Variants in FNDC3A observed in about 807,000 individuals in gnomAD.
The protein encoded by FNDC3A is fibronectin type III domain containing 3A.
Under a neutral mutation model 148.9 loss-of-function variants are expected in FNDC3A, and 32 were observed. The observed-to-expected ratio is 0.21, with a 90% CI of 0.16 to 0.29. The LOEUF (loss-of-function observed/expected upper bound fraction) is 0.29, where lower values mean the gene tolerates loss of function less well. FNDC3A is among the 10% of genes least tolerant of loss of function. The probability of loss-of-function intolerance (pLI) is 1.00; values close to 1 mark genes in which losing one functional copy is unlikely to be tolerated. For missense variants in FNDC3A, 1,191 were observed against 1,452.8 expected (o/e 0.82, Z 2.93); for synonymous variants, 472 against 473.6 (o/e 1.00, Z 0.04).
intron 2 of FNDC3A, among the ~76,000 whole-genome samples, chr13:49,028,917 A>G (rs940057950): frequency 6.6e-6 from 1 of 152,260 alleles, no homozygotes; most frequent in Non-Finnish European, 1.5e-5. Context: ...TCAAGTATAC[A>G]TGGATCATTG....
At chr13:49,151,375 T>C (rs1376948411) in intron 8 of FNDC3A, among the ~76,000 whole-genome samples, 1 of 152,184 alleles carries the variant, frequency 6.6e-6, no homozygotes, top group Non-Finnish European at 1.5e-5. Flanking sequence ...ATAAAGTCTG[T>C]TTTATCTGAG....
chr13:48,979,268 TGG>T (rs923804836), intron 1 of FNDC3A, among the ~76,000 whole-genome samples: 1 of 152,120 alleles, frequency 6.6e-6, no homozygotes, highest in African/African-American at 2.4e-5. Flanking sequence ...ACAAATTAGT[TGG>T]GGGTACTAGA....
At position 49,196,918 on chromosome 13, in the gene FNDC3A, T is replaced by G. The variant is rs199841532; in HGVS notation, c.2268T>G (p.Pro756=). ...AAAAATGTGATATTACTACAGCCCC[T>G]GGGCCACCAGATCAGTGCAAGCCCC... ...FSEKCDITTA[P]GPPDQCKPPQ... The change falls in exon 20 of 26, where the codon CCT becomes CCG. Residue 756 remains proline (P), a synonymous_variant. Transcript: ENST00000492622. 2 of 1,611,280 alleles carry G rather than the reference T, an allele frequency of 1.2e-6. No individual in the cohort carries two copies. Among genetic ancestry groups the G allele is most frequent in the African/African-American group, 2.7e-5 (2 of 74,970 alleles).
rs542480879 is a variant in FNDC3A at position 49,177,877 on chromosome 13, G to C, written c.1531-691G>C. On this transcript the variant is annotated intron_variant, in intron 13 of 25. Coordinates refer to ENST00000492622, the MANE Select transcript of FNDC3A (RefSeq NM_001079673.2). ...ACAGGAAGTATGTTAGTAGATAGGT[G>C]GAGGGAAGTGACTGCTACCCAAAAA... Among the ~76,000 whole-genome samples the C allele has an allele frequency of 7.9e-5, 12 of 152,270 alleles. No individual in the cohort carries two copies. In the East Asian group the frequency reaches 1.5e-3, roughly 20 times the overall value.
At chr13:49,128,047 A>G (rs1251906435) in intron 4 of FNDC3A, among the ~76,000 whole-genome samples, 1 of 152,090 alleles carries the variant, frequency 6.6e-6, no homozygotes, top group Non-Finnish European at 1.5e-5. Flanking sequence ...ATGCCCAGCT[A>G]ATTTTTGTAT....
intron 10 of FNDC3A, 117 bp downstream of exon 10, chr13:49,168,868 C>A (rs978779835): frequency 1.5e-5 from 13 of 893,308 alleles, no homozygotes; most frequent in African/African-American, 1.3e-4. Context: ...CTGCTTTTTA[C>A]ATATAAGACA....
intron 3 of FNDC3A, among the ~76,000 whole-genome samples, chr13:49,097,604 A>T (rs897864224): frequency 7.9e-5 from 12 of 152,216 alleles, no homozygotes; most frequent in Admixed American, 2.0e-4. Context: ...TAATGCTTTA[A>T]GTGTACAGGC....
intron 3 of FNDC3A, among the ~76,000 whole-genome samples, chr13:49,078,031 T>C (rs1878231004): frequency 6.6e-6 from 1 of 152,202 alleles, no homozygotes; most frequent in African/African-American, 2.4e-5. Flanking sequence ...GGTTTGTACA[T>C]CTCTTTTCAA....
chr13:49,086,702 T>C lies in FNDC3A; in HGVS notation c.175+11338T>C, dbSNP rs1235522510. ...AGAAGTTTGTTCTTTATACATTACT[T>C]AAACAACCTTAACTTCCATTAGAAA... On this transcript the variant is annotated intron_variant, in intron 3 of 25. Coordinates refer to ENST00000492622, the MANE Select transcript of FNDC3A (RefSeq NM_001079673.2). Among the ~76,000 whole-genome samples, 3 of 152,172 alleles carry C rather than the reference T, an allele frequency of 2.0e-5. No individual in the cohort carries two copies. The East Asian group carries it at 5.8e-4, about 29-fold the overall frequency.
chr13:48,996,260 A>G (rs1952022667), intron 1 of FNDC3A, among the ~76,000 whole-genome samples: 1 of 152,174 alleles, frequency 6.6e-6, no homozygotes, highest in Non-Finnish European at 1.5e-5. Context: ...TAATTCTAAT[A>G]TTTTTACCTA....
intron 3 of FNDC3A, among the ~76,000 whole-genome samples, chr13:49,111,322 C>A (rs1440863741): frequency 6.6e-6 from 1 of 152,066 alleles, no homozygotes; most frequent in South Asian, 2.1e-4. Flanking sequence ...TTCTAAACAT[C>A]GATACTTGTA....
intron 2 of FNDC3A, among the ~76,000 whole-genome samples, chr13:49,065,765 A>G (rs1350885717): frequency 1.3e-5 from 2 of 152,298 alleles, no homozygotes; most frequent in Admixed American, 6.5e-5. Flanking sequence ...CTTTTACTCT[A>G]TTTCATTTAC....
intron 8 of FNDC3A, among the ~76,000 whole-genome samples, chr13:49,153,950 T>C (rs540237032): frequency 1.3e-4 from 18 of 135,668 alleles, no homozygotes; most frequent in African/African-American, 3.3e-4. Flanking sequence ...AGTCAGGTAG[T>C]GTGATACCTC....
chr13:49,126,091 A>G (rs2137910767), intron 4 of FNDC3A, among the ~76,000 whole-genome samples: 1 of 152,184 alleles, frequency 6.6e-6, no homozygotes. Context: ...TGACCTCTAC[A>G]TGATGGCCAT....
At chr13:49,192,198 T>C (rs1885921383) in intron 19 of FNDC3A, among the ~76,000 whole-genome samples, 1 of 152,346 alleles carries the variant, frequency 6.6e-6, no homozygotes, top group African/African-American at 2.4e-5. Flanking sequence ...AACTGACAGT[T>C]CTCTCCTACC....
chr13:49,188,943 GAAATA>G, intron 17 of FNDC3A, among the ~76,000 whole-genome samples: 1 of 152,268 alleles, frequency 6.6e-6, no homozygotes, highest in East Asian at 1.9e-4. Context: ...AGCAGAGATA[GAAATA>G]AAATAATTAT....
rs148541550 is a variant in FNDC3A at position 49,055,733 on chromosome 13, T to C, written c.100-19556T>C. 3.2e-3 allele frequency among the ~76,000 whole-genome samples: 493 copies of C among 152,158 alleles called. 1 individual carries two copies. The highest frequency in any genetic ancestry group is 5.6e-3 in the Non-Finnish European group (382 of 67,994). ...GTCCTGCCTTTCCAGATCGAACCAATATATATCTTACATGTATTTGATTGA... is the reference window on the plus strand; with the variant it reads ...GTCCTGCCTTTCCAGATCGAACCAACATATATCTTACATGTATTTGATTGA... On this transcript the variant is annotated intron_variant, in intron 2 of 25. Coordinates refer to ENST00000492622, the MANE Select transcript of FNDC3A (RefSeq NM_001079673.2).
intron 2 of FNDC3A, among the ~76,000 whole-genome samples, chr13:49,072,485 T>TGTTTTATA (rs1407620221): frequency 6.6e-6 from 1 of 152,300 alleles, no homozygotes; most frequent in Non-Finnish European, 1.5e-5. Context: ...AGTACCATGC[T>TGTTTTATA]GTTTTATAGT....
intron 8 of FNDC3A, among the ~76,000 whole-genome samples, chr13:49,156,503 G>A (rs1018549767): frequency 1.3e-5 from 2 of 150,504 alleles, no homozygotes; most frequent in African/African-American, 4.9e-5. Flanking sequence ...TTTAATTGGA[G>A]CATTAAGTCC....
Sources: gnomAD v4.1 joint callset for allele counts (sites outside exome capture counted in the v4.1 genomes callset) on GRCh38, gnomAD v4.1.1 for gene constraint, MANE v1.5 for transcripts, NCBI Gene and HGNC (gene_info 2026-07-23, HGNC 2026-07-21) for gene names.